The following SVOP variants were observed in gnomAD, a reference collection of about 807,000 sequenced individuals.
SVOP encodes the protein SV2 related protein.
Under a neutral mutation model 69.1 loss-of-function variants are expected in SVOP, and 17 were observed. The ratio of observed to expected loss-of-function variants is 0.25; its 90% CI spans 0.17 to 0.37. The LOEUF (loss-of-function observed/expected upper bound fraction) is 0.37, where lower values mean the gene tolerates loss of function less well. Ranked by LOEUF, SVOP falls within the 10% of genes least tolerant of loss-of-function variation. The probability of loss-of-function intolerance (pLI) is 1.00; values close to 1 mark genes in which losing one functional copy is unlikely to be tolerated. For synonymous variants in SVOP, 238 were observed against 238.6 expected, an observed-to-expected ratio of 1.00 and a Z score of 0.02; for missense variants, 435 against 597.5, an observed-to-expected ratio of 0.73 and a Z score of 2.84.
intron 1 of SVOP, among the ~76,000 whole-genome samples, chr12:108,994,899 G>T (rs572497282): frequency 6.6e-6 from 1 of 152,300 alleles, no homozygotes; most frequent in East Asian, 1.9e-4. Flanking sequence ...CACTTTGGGA[G>T]GCCAAGGTGA....
chr12:108,919,805 G>C lies in SVOP; in HGVS notation c.1157-19C>G. On this transcript the variant is annotated intron_variant, in intron 12 of 15. Transcript: ENST00000610966. ...AGGACACCTGGAAGGGGAGTGGGGAGAGATAGGCAGCTTCCGATGTGATTC... is the reference window on the plus strand; with the variant it reads ...AGGACACCTGGAAGGGGAGTGGGGACAGATAGGCAGCTTCCGATGTGATTC... The C allele has an allele frequency of 3.3e-6, 5 of 1,527,378 alleles. No individual in the cohort carries two copies. Among genetic ancestry groups the C allele is most frequent in the Non-Finnish European group, 4.5e-6 (5 of 1,119,078 alleles). The allele number at this position is 1,527,378 out of a possible 1,614,324, so 94.6% of individuals were successfully genotyped here. A position where few individuals can be genotyped will look rare whatever the true frequency, so the allele number is the denominator to read the frequency against.
intron 6 of SVOP, among the ~76,000 whole-genome samples, chr12:108,946,974 CCTCCTAAAGTCCTGGAATTA>C (rs1300870569): frequency 6.6e-6 from 1 of 152,150 alleles, no homozygotes; most frequent in African/African-American, 2.4e-5. Context: ...CCTGCCTCAG[CCTCCTAAAGTCCTGGAATTA>C]CAGGTGTGAG....
Position 108,945,172 on chromosome 12 carries a change from A to G in SVOP, c.579-6T>C. 1 of 1,537,060 alleles carries G rather than the reference A, an allele frequency of 6.5e-7. No homozygotes were observed. Among genetic ancestry groups the G allele is most frequent in the Non-Finnish European group, 8.7e-7 (1 of 1,146,836 alleles). ...ACTCGGCATACAGCGTCACCCTGGG[A>G]ATGTAAAAGGGAAAGAAAGGGAGTT... On this transcript the variant is annotated splice_polypyrimidine_tract_variant and splice_region_variant and intron_variant, in intron 6 of 15. Coordinates refer to ENST00000610966, the MANE Select transcript of SVOP (RefSeq NM_018711.5).
chr12:109,004,559 G>C (rs59033453), intron 1 of SVOP, among the ~76,000 whole-genome samples: 146,408 of 151,808 alleles, frequency 0.96, 70,830 homozygotes, highest in East Asian at 1. Context: ...CTATGTGCCA[G>C]CATGCTCAGC....
intron 1 of SVOP, among the ~76,000 whole-genome samples, chr12:109,014,111 G>A (rs1168401856): frequency 6.7e-6 from 1 of 149,366 alleles, no homozygotes; most frequent in Admixed American, 6.8e-5. Context: ...CATCTCCTAA[G>A]TTCAAGCGAT....
chr12:108,932,107 G>A (rs1305510077), intron 11 of SVOP, among the ~76,000 whole-genome samples: 1 of 151,858 alleles, frequency 6.6e-6, no homozygotes, highest in East Asian at 1.9e-4. Flanking sequence ...GGAACTCATG[G>A]GCTCAGGCAG....
At chr12:108,980,870 A>G (rs1279118889) in intron 2 of SVOP, among the ~76,000 whole-genome samples, 1 of 152,128 alleles carries the variant, frequency 6.6e-6, no homozygotes, top group Admixed American at 6.5e-5. Context: ...GGTTGCAGTG[A>G]GCTGAGACCG....
At chr12:108,948,874 A>T (rs2039938826) in intron 6 of SVOP, among the ~76,000 whole-genome samples, 1 of 152,242 alleles carries the variant, frequency 6.6e-6, no homozygotes, top group African/African-American at 2.4e-5. Context: ...ATTATCATGG[A>T]TGACTTTTAT....
At chr12:108,994,917 G>A (rs73413016) in intron 1 of SVOP, among the ~76,000 whole-genome samples, 3,408 of 152,218 alleles carry the variant, frequency 0.022, 52 homozygotes, top group Middle Eastern at 0.044. Flanking sequence ...TGAGAGAATT[G>A]CTTGATCAAG....
chr12:108,959,351 CTTTTTTT>C (rs36192896), intron 6 of SVOP, among the ~76,000 whole-genome samples: 3 of 106,690 alleles, frequency 2.8e-5, no homozygotes, highest in South Asian at 6.9e-4. Context: ...GCTTTTAATT[CTTTTTTT>C]TTTTTTTTTT....
chr12:108,955,789 C>T (rs551272892), intron 6 of SVOP, among the ~76,000 whole-genome samples: 1 of 152,316 alleles, frequency 6.6e-6, no homozygotes, highest in South Asian at 2.1e-4. Flanking sequence ...GAGTGCTCTG[C>T]CAGGCACTGT....
intron 11 of SVOP, among the ~76,000 whole-genome samples, chr12:108,932,358 T>C (rs2039826028): frequency 6.6e-6 from 1 of 152,196 alleles, no homozygotes; most frequent in African/African-American, 2.4e-5. Flanking sequence ...AAAATACTAT[T>C]AGGCCCAGGA....
intron 1 of SVOP, among the ~76,000 whole-genome samples, chr12:108,991,221 T>C (rs2040198509): frequency 6.6e-6 from 1 of 152,178 alleles, no homozygotes. Flanking sequence ...CAGACTGCCT[T>C]AGGCCTGGAT....
chr12:109,008,397 T>A (rs1427352561), intron 1 of SVOP, among the ~76,000 whole-genome samples: 4 of 152,172 alleles, frequency 2.6e-5, no homozygotes, highest in African/African-American at 9.6e-5. Flanking sequence ...TGTGAGGGGT[T>A]GGATGTGATG....
At chr12:108,992,852 C>T (rs923024806) in intron 1 of SVOP, among the ~76,000 whole-genome samples, 7 of 151,884 alleles carry the variant, frequency 4.6e-5, no homozygotes, top group African/African-American at 1.7e-4. Flanking sequence ...AAACTGCACA[C>T]TTTAATTGAT....
intron 15 of SVOP, among the ~76,000 whole-genome samples, chr12:108,913,716 T>C (rs1427340483): frequency 1.3e-5 from 2 of 152,202 alleles, no homozygotes; most frequent in Non-Finnish European, 2.9e-5. Context: ...TGGTGCAATC[T>C]TGGCTCACTG....
At position 108,911,815 on chromosome 12, in the gene SVOP, C is replaced by T. The variant is rs890158445; in HGVS notation, c.*720G>A. 6.6e-6 allele frequency: 1 copy of T among 152,254 alleles called. No individual in the cohort carries two copies. The highest frequency in any genetic ancestry group is 1.5e-5 in the Non-Finnish European group (1 of 68,090). 9.4% of individuals were successfully genotyped at this position (152,254 alleles called of 1,614,324 possible). ...TGACTTCAGCTTGATTCACTTTGGC[C>T]TCAGTCCTCAGTTCCCAGGGGGTAA... On this transcript the variant is annotated 3_prime_UTR_variant, in exon 16 of 16. Transcript: ENST00000610966.
At chr12:109,002,526 T>C (rs373369961) in intron 1 of SVOP, among the ~76,000 whole-genome samples, 1 of 141,422 alleles carries the variant, frequency 7.1e-6, no homozygotes, top group East Asian at 2.1e-4. Context: ...TATTGCGGCA[T>C]TATTCACAAT....
intron 2 of SVOP, among the ~76,000 whole-genome samples, chr12:108,980,720 G>A (rs1566062011): frequency 1.0e-5 from 1 of 98,752 alleles, no homozygotes; most frequent in South Asian, 2.9e-4. Context: ...ACTGCAGTCC[G>A]CAGTCTGGCC....
Sources: allele counts gnomAD v4.1 joint callset (sites outside exome capture counted in the v4.1 genomes callset), GRCh38; gene constraint gnomAD v4.1.1; transcripts MANE v1.5; gene names NCBI Gene and HGNC (gene_info 2026-07-23, HGNC 2026-07-21).